PCDHA13: variants seen among roughly 807,000 people sequenced by gnomAD.
PCDHA13 encodes the protein protocadherin alpha 13, also known as protocadherin alpha-13.
Under a neutral mutation model 64.8 loss-of-function variants are expected in PCDHA13, and 54 were observed. That is an observed-to-expected ratio of 0.83 (90% CI 0.67 to 1.04). The LOEUF (loss-of-function observed/expected upper bound fraction) is 1.04, where lower values mean the gene tolerates loss of function less well. PCDHA13 is among the 50% of genes least tolerant of loss of function. PCDHA13 has a pLI of 0.00. For missense variants in PCDHA13, 1,248 were observed against 1,254.3 expected (o/e 0.99, Z 0.08); for synonymous variants, 587 against 564.4 (o/e 1.04, Z -0.57).
In PCDHA13 at chr5:140,883,547, G is replaced by GC; in HGVS notation, c.1280dup (p.Arg428AlafsTer183). The GC allele has an allele frequency of 3.1e-6, 5 of 1,614,234 alleles. No individual in the cohort carries two copies. Among genetic ancestry groups the GC allele is most frequent in the Non-Finnish European group, 3.4e-6 (4 of 1,180,050 alleles). ...ATCAGCCTATGAACTGGTGGTGACCGCGCGGGACGGGGGCTCGCCTTCGCT... is the reference window on the plus strand; with the variant it reads ...ATCAGCCTATGAACTGGTGGTGACCGCCGCGGGACGGGGGCTCGCCTTCGCT... On this transcript the variant is annotated frameshift_variant, in exon 1 of 4. Coordinates refer to ENST00000289272, the MANE Select transcript of PCDHA13 (RefSeq NM_018904.3). LOFTEE classifies it high-confidence loss of function.
chr5:140,889,259 G>C (rs371831027), intron 1 of PCDHA13, among the ~76,000 whole-genome samples: 37 of 151,916 alleles, frequency 2.4e-4, no homozygotes, highest in African/African-American at 6.7e-4. Context: ...TCCTGTAAAA[G>C]TTTGTATAAT....
intron 1 of PCDHA13, among the ~76,000 whole-genome samples, chr5:140,923,413 G>T (rs2081347795): frequency 6.6e-6 from 1 of 152,062 alleles, no homozygotes; most frequent in Non-Finnish European, 1.5e-5. Context: ...CTATAATCCT[G>T]GCTACTTGGG....
intron 1 of PCDHA13, among the ~76,000 whole-genome samples, chr5:140,920,225 G>A (rs80019196): frequency 2.9e-3 from 441 of 151,762 alleles, no homozygotes; most frequent in African/African-American, 0.01. Flanking sequence ...CACATTTATA[G>A]TATTATATAC....
At position 140,884,341 on chromosome 5, in the gene PCDHA13, G is replaced by C; in HGVS notation, c.2073G>C (p.Ala691=). ...RASAGAVGPE[A]ALVDVNVYLI... ...CGGCAGGCGCTGTGGGTCCAGAAGC[G>C]GCGCTGGTGGATGTCAATGTTTACT... Residue 691 remains alanine (A), a synonymous_variant, in exon 1 of 4, where the codon GCG becomes GCC. Coordinates refer to ENST00000289272, the MANE Select transcript of PCDHA13 (RefSeq NM_018904.3). The C allele has an allele frequency of 1.2e-6, 2 of 1,613,910 alleles. No homozygotes were observed. Among genetic ancestry groups the C allele is most frequent in the Non-Finnish European group, 1.7e-6 (2 of 1,179,884 alleles).
chr5:140,918,387 C>A (rs1554198606), intron 1 of PCDHA13, among the ~76,000 whole-genome samples: 1 of 152,142 alleles, frequency 6.6e-6, no homozygotes, highest in Non-Finnish European at 1.5e-5. Context: ...TTATTTCTTT[C>A]TCTTGCCTGA....
At chr5:140,902,185 TTC>T (rs370111655) in intron 1 of PCDHA13, among the ~76,000 whole-genome samples, 3 of 150,766 alleles carry the variant, frequency 2.0e-5, no homozygotes, top group South Asian at 2.1e-4. Flanking sequence ...CCTTTATGTC[TTC>T]TCTCTCTCTC....
At chr5:140,938,937 C>T (rs1302555937) in intron 1 of PCDHA13, among the ~76,000 whole-genome samples, 4 of 152,070 alleles carry the variant, frequency 2.6e-5, no homozygotes, top group African/African-American at 9.7e-5. Context: ...TTTAACTTTC[C>T]ATTCTTATAA....
rs201501759 is a variant in PCDHA13 at position 140,978,957 on chromosome 5, G to A, written c.2403G>A (p.Gln801=). The stretch of plus-strand genomic sequence containing the variant: ...TCTTTGTGATTTTGCAGCCACGACA[G>A]CCCAACCCTGACTGGCGTTACTCTG... ...EDSECLKEPR[Q]PNPDWRYSAS... is the part of the protein sequence containing the mutation. Residue 801 remains glutamine, a synonymous_variant, in exon 2 of 4, where the codon CAG becomes CAA. Coordinates refer to ENST00000289272, the MANE Select transcript of PCDHA13 (RefSeq NM_018904.3). 56 of 1,614,040 alleles carry A rather than the reference G, an allele frequency of 3.5e-5. No individual in the cohort carries two copies. In the East Asian group the frequency reaches 1.1e-3, roughly 32 times the overall value.
At chr5:140,938,796 C>T (rs563991147) in intron 1 of PCDHA13, among the ~76,000 whole-genome samples, 4 of 152,138 alleles carry the variant, frequency 2.6e-5, no homozygotes, top group East Asian at 3.9e-4. Context: ...ATGAAATAAT[C>T]GGTACCACAA....
intron 1 of PCDHA13, chr5:140,968,038 C>T (rs1554230238): frequency 8.7e-6 from 14 of 1,614,148 alleles, no homozygotes; most frequent in East Asian, 2.2e-5. Flanking sequence ...TGGTGGTGAG[C>T]GGCCCACTGG....
intron 3 of PCDHA13, among the ~76,000 whole-genome samples, chr5:140,999,639 T>C (rs1554256919): frequency 6.6e-6 from 1 of 152,144 alleles, no homozygotes; most frequent in African/African-American, 2.4e-5. Context: ...TAGAGAAAAC[T>C]GTGCAGCCTG....
At chr5:141,004,677 A>T (rs971713487) in intron 3 of PCDHA13, among the ~76,000 whole-genome samples, 4 of 152,194 alleles carry the variant, frequency 2.6e-5, no homozygotes, top group African/African-American at 7.2e-5. Context: ...AGGACTGTGG[A>T]GTGGTGCTGA....
In PCDHA13 at chr5:140,994,514, G is replaced by A. The variant is rs186617066; in HGVS notation, c.2542+11951G>A. On this transcript the variant is annotated intron_variant, in intron 3 of 3. Transcript: ENST00000289272. Reference sequence around the variant, plus strand: ...ACCCAGGAGTTTGAGAACAGCCTGGGCAACATGGCAAAACCCCATCTCTAC... The same window carrying A: ...ACCCAGGAGTTTGAGAACAGCCTGGACAACATGGCAAAACCCCATCTCTAC... Among the ~76,000 whole-genome samples, 76 of 150,406 alleles carry A rather than the reference G, an allele frequency of 5.1e-4. 1 individual carries two copies. The highest frequency in any genetic ancestry group is 8.8e-5 in the Non-Finnish European group (6 of 67,822).
chr5:140,985,885 G>A (rs1218097274), intron 3 of PCDHA13, among the ~76,000 whole-genome samples: 4 of 151,548 alleles, frequency 2.6e-5, no homozygotes, highest in Non-Finnish European at 5.9e-5. Flanking sequence ...GACTACAGGC[G>A]CCCGCCACCA....
chr5:140,890,344 A>G (rs1482265903), intron 1 of PCDHA13, among the ~76,000 whole-genome samples: 1 of 152,196 alleles, frequency 6.6e-6, no homozygotes, highest in Admixed American at 6.5e-5. Context: ...GGGATGGTTT[A>G]CTATATAGCA....
Position 140,883,731 on chromosome 5 carries a change from C to T in PCDHA13, c.1463C>T (p.Ala488Val), listed in dbSNP as rs1287936712. The change falls in exon 1 of 4, where the codon GCG (alanine) becomes GTG (valine). Residue 488 changes from alanine to valine, a missense_variant. Physicochemically the swap from Ala to Val is moderately conservative, Grantham distance 64 (BLOSUM62 0). Transcript: ENST00000289272. ...CAGGACGCGGACGCACAGGAGAACG[C>T]GCTGGTCTCCTACTCGCTGGTGGAG... ...SAQDADAQEN[A>V]LVSYSLVERR... The T allele has an allele frequency of 6.2e-7, 1 of 1,613,446 alleles. No homozygotes were observed. The highest frequency in any genetic ancestry group is 2.2e-5 in the East Asian group (1 of 44,872).
chr5:140,959,493 A>C (rs533403086), intron 1 of PCDHA13, among the ~76,000 whole-genome samples: 3 of 152,280 alleles, frequency 2.0e-5, no homozygotes, highest in South Asian at 2.1e-4. Context: ...TTATATATGG[A>C]TCAAACTAAA....
chr5:140,978,845 T>C, intron 1 of PCDHA13, 104 bp from the exon 2 acceptor site: 7 of 1,569,708 alleles, frequency 4.5e-6, no homozygotes, highest in Non-Finnish European at 6.1e-6. Flanking sequence ...AATACTTTTT[T>C]AGATGCCTGG....
At chr5:140,924,588 T>C (rs2081910916) in intron 1 of PCDHA13, among the ~76,000 whole-genome samples, 1 of 152,212 alleles carries the variant, frequency 6.6e-6, no homozygotes, top group East Asian at 1.9e-4. Context: ...TCAAATATTA[T>C]AGAAATATGC....
Sources: allele counts gnomAD v4.1 joint callset (sites outside exome capture counted in the v4.1 genomes callset), GRCh38; gene constraint gnomAD v4.1.1; transcripts MANE v1.5; gene names NCBI Gene and HGNC (gene_info 2026-07-23, HGNC 2026-07-21).